The following APOB variants were observed in gnomAD, a reference collection of about 807,000 sequenced individuals.
APOB encodes apolipoprotein B.
In APOB, 153 loss-of-function variants were observed where a neutral mutation model predicts 314.1. The observed-to-expected ratio is 0.49, with a 90% CI of 0.43 to 0.56. The LOEUF (loss-of-function observed/expected upper bound fraction) is 0.56. Ranked by LOEUF, APOB falls within the 20% of genes least tolerant of loss-of-function variation. APOB has a pLI of 0.00. For synonymous variants in APOB, 2,087 were observed against 2,036.4 expected, an observed-to-expected ratio of 1.02 and a Z score of -0.67; for missense variants, 5,430 against 5,350.7, an observed-to-expected ratio of 1.01 and a Z score of -0.46.
Position 21,006,475 on chromosome 2 carries a change from T to C in APOB, c.10393A>G (p.Asn3465Asp), listed in dbSNP as rs751227728. Residue 3465 changes from asparagine (N) to aspartate (D), a missense_variant, in exon 26 of 29, where the codon AAT becomes GAT. Coordinates refer to ENST00000233242, the MANE Select transcript of APOB (RefSeq NM_000384.3). ...GCGGTAGAGTACAGCATTGAAGAAT[T>C]GAAATCATACTTAAATTCCATGGAG... ...SSSMEFKYDF[N>D]SSMLYSTAKG... 6.2e-7 allele frequency: 1 copy of C among 1,614,106 alleles called. No homozygotes were observed. The highest frequency in any genetic ancestry group is 1.7e-5 in the Admixed American group (1 of 60,020).
At chr2:21,035,439 A>T (rs1046386514) in intron 7 of APOB, 145 bp downstream of exon 7, 19 of 1,082,228 alleles carry the variant, frequency 1.8e-5, no homozygotes, top group Non-Finnish European at 2.6e-5. Context: ...TGTTCGCTTA[A>T]AAAGGGGGAC....
In APOB at chr2:21,011,674, T is replaced by C. The variant is rs377422475; in HGVS notation, c.5194A>G (p.Ser1732Gly). The change falls in exon 26 of 29, where the codon AGT (serine) becomes GGT (glycine). Residue 1732 changes from serine to glycine, a missense_variant. Coordinates refer to ENST00000233242, the MANE Select transcript of APOB (RefSeq NM_000384.3). Reference sequence around the variant, plus strand: ...TTTGAGAGCTTAAGTCCTTCTTGACTGACCTTGAAGTTGAAAATGTTTTTG... The same window carrying C: ...TTTGAGAGCTTAAGTCCTTCTTGACCGACCTTGAAGTTGAAAATGTTTTTG... Reference protein sequence around the residue: ...DSKNIFNFKVSQEGLKLSNDM... With the variant: ...DSKNIFNFKVGQEGLKLSNDM... 3 of 1,614,232 alleles carry C rather than the reference T, an allele frequency of 1.9e-6. No homozygotes were observed. The highest frequency in any genetic ancestry group is 1.3e-5 in the African/African-American group (1 of 75,064).
Position 21,001,856 on chromosome 2 carries a change from GTCAA to G in APOB, c.13562_13565del (p.Ile4521ThrfsTer11), listed in dbSNP as rs1662984235. On this transcript the variant is annotated frameshift_variant, in exon 29 of 29. Coordinates refer to ENST00000233242, the MANE Select transcript of APOB (RefSeq NM_000384.3). LOFTEE classifies it low-confidence loss of function (END_TRUNC). ...ATGTGTGGTAGTTTTGAATGGACAG[GTCAA>G]TCAATCTTTTGGATTCAGCAATAAA... 4.3e-6 allele frequency: 7 copies of G among 1,614,022 alleles called. No individual in the cohort carries two copies. Among genetic ancestry groups the G allele is most frequent in the Non-Finnish European group, 5.9e-6 (7 of 1,179,968 alleles).
chr2:21,017,910 C>A (rs1158776233), intron 20 of APOB, among the ~76,000 whole-genome samples: 1 of 152,160 alleles, frequency 6.6e-6, no homozygotes, highest in Non-Finnish European at 1.5e-5. Context: ...CCAAAGTGAA[C>A]ACCTAAATGT....
At chr2:21,043,808 C>T (rs968303915) in intron 1 of APOB, 56 bp downstream of exon 1, 1 of 1,530,500 alleles carries the variant, frequency 6.5e-7, no homozygotes, top group Non-Finnish European at 8.7e-7. Flanking sequence ...CGGCCAACCT[C>T]GTGCCGCCGG....
chr2:21,013,630 T>G, intron 24 of APOB, 97 bp from the exon 25 acceptor site: 2 of 1,546,402 alleles, frequency 1.3e-6, no homozygotes, highest in Non-Finnish European at 8.9e-7. Context: ...ACTTGCCCCA[T>G]TCCCAAAGCC....
Position 21,015,097 on chromosome 2 carries a change from C to T in APOB, c.3672G>A (p.Arg1224=), listed in dbSNP as rs773383284. ...HRVPQTDMTF[R]HVGSKLIVAM... ...CAACTATTAATTTGGAACCCACGTG[C>T]CGGAAAGTCATGTCTGTTTGAGGGA... The change falls in exon 23 of 29, where the codon CGG becomes CGA. Residue 1224 remains arginine, a synonymous_variant. Coordinates refer to ENST00000233242, the MANE Select transcript of APOB (RefSeq NM_000384.3). The T allele has an allele frequency of 6.2e-7, 1 of 1,614,110 alleles. No individual in the cohort carries two copies. Among genetic ancestry groups the T allele is most frequent in the Admixed American group, 1.7e-5 (1 of 60,016 alleles).
chr2:21,023,970 A>G, intron 16 of APOB: 1 of 289,928 alleles, frequency 3.4e-6, no homozygotes, highest in Non-Finnish European at 6.4e-6. Context: ...TCAGAGCTTT[A>G]TGGACTTTAA....
intron 1 of APOB, 79 bp from the exon 2 acceptor site, chr2:21,043,630 G>T: frequency 1.3e-6 from 2 of 1,546,008 alleles, no homozygotes; most frequent in African/African-American, 2.7e-5. Context: ...GGGACCACCG[G>T]CACAGGTTTC....
chr2:21,042,650 T>C (rs1664160081), intron 2 of APOB, among the ~76,000 whole-genome samples, 174 bp from the exon 3 acceptor site: 1 of 152,166 alleles, frequency 6.6e-6, no homozygotes, highest in South Asian at 2.1e-4. Flanking sequence ...TTCTCCATTA[T>C]GTTTTTGCTG....
Position 21,035,723 on chromosome 2 carries a change from G to A in APOB, c.694-15C>T. 6.2e-7 allele frequency: 1 copy of A among 1,613,722 alleles called. No homozygotes were observed. The highest frequency in any genetic ancestry group is 8.5e-7 in the Non-Finnish European group (1 of 1,179,968). On this transcript the variant is annotated splice_polypyrimidine_tract_variant and intron_variant, in intron 6 of 28. Coordinates refer to ENST00000233242, the MANE Select transcript of APOB (RefSeq NM_000384.3). ...AAGGGGCGGGTCTATGAAAGAGATT[G>A]GAGACGAGCATTTTGATCAGTCCCT...
At position 21,005,947 on chromosome 2, in the gene APOB, A is replaced by G. The variant is rs1663124533; in HGVS notation, c.10921T>C (p.Ser3641Pro). ...IRWKNEVRIHSGSFQSQVELS... is the reference protein window; with the variant it reads ...IRWKNEVRIHPGSFQSQVELS... ...TCGACCTGGCTCTGGAAAGACCCAG[A>G]ATGAATCCGGACTTCATTTTTCCAT... is the stretch of plus-strand genomic sequence containing the variant. The change falls in exon 26 of 29, where the codon TCT becomes CCT. Residue 3641 changes from serine (S) to proline (P), a missense_variant. Physicochemically the swap from Ser to Pro is moderately conservative, Grantham distance 74 (BLOSUM62 -1). This residue lies in a region of APOB where 3,281 missense variants were observed against 3,171.0 expected (regional missense o/e 1.03). Transcript: ENST00000233242. 2 of 1,613,804 alleles carry G rather than the reference A, an allele frequency of 1.2e-6. No individual in the cohort carries two copies. Among genetic ancestry groups the G allele is most frequent in the South Asian group, 2.2e-5 (2 of 91,064 alleles).
chr2:21,025,960 A>G (rs1663722814), intron 15 of APOB, among the ~76,000 whole-genome samples: 1 of 152,164 alleles, frequency 6.6e-6, no homozygotes, highest in East Asian at 1.9e-4. Flanking sequence ...CTCATTTGCT[A>G]GTGCACTGAT....
rs753995437 is a variant in APOB at position 21,005,586 on chromosome 2, C to G, written c.11282G>C (p.Cys3761Ser). 6.2e-7 allele frequency: 1 copy of G among 1,613,982 alleles called. No individual in the cohort carries two copies. The highest frequency in any genetic ancestry group is 1.7e-5 in the Admixed American group (1 of 60,018). The change falls in exon 26 of 29, where the codon TGC becomes TCC. Residue 3761 changes from cysteine (C) to serine (S), a missense_variant. Cys to Ser is a moderately radical substitution (Grantham distance 112). Transcript: ENST00000233242. ...VPFTDLQVPS[C>S]KLDFREIQIY... ...TTGTATTTCTCTGAAGTCAAGTTTG[C>G]ACGATGGAACCTGAAGATCTGTAAA...
chr2:21,004,568 C>T lies in APOB; in HGVS notation c.11896G>A (p.Gly3966Arg), dbSNP rs781598847. 8 of 1,613,656 alleles carry T rather than the reference C, an allele frequency of 5.0e-6. No individual in the cohort carries two copies. In the Admixed American group the frequency reaches 1.3e-4, roughly 27 times the overall value. ...TCAATAAAAGCTCCATACTGAAGTC[C>T]TTCATATTTGCCATCTTCTTCATAT... ...AEYEEDGKYE[G>R]LQEWEGKAHL... Residue 3966 changes from glycine to arginine, a missense_variant, in exon 27 of 29, where the codon GGA (glycine) becomes AGA (arginine). Coordinates refer to ENST00000233242, the MANE Select transcript of APOB (RefSeq NM_000384.3).
rs763341676 is a variant in APOB, at chr2:21,001,846, G to A, written c.13576C>T (p.Gln4526Ter). The A allele has an allele frequency of 4.3e-6, 7 of 1,613,904 alleles. No individual in the cohort carries two copies. In the African/African-American group the frequency reaches 6.7e-5, roughly 15 times the overall value. ...TATATCAGAAATGTGTGGTAGTTTTGAATGGACAGGTCAATCAATCTTTTG... is the reference window on the plus strand; with the variant it reads ...TATATCAGAAATGTGTGGTAGTTTTAAATGGACAGGTCAATCAATCTTTTG... ...ESKRLIDLSI[Q>*]NYHTFLIYIT... The change falls in exon 29 of 29, where the codon CAA becomes TAA. Residue 4526 changes from glutamine to a stop codon, truncating the protein, a stop_gained. Transcript: ENST00000233242. LOFTEE classifies it low-confidence loss of function (END_TRUNC).
Position 21,005,950 on chromosome 2 carries a change from G to C in APOB, c.10918C>G (p.His3640Asp). The C allele has an allele frequency of 6.2e-7, 1 of 1,613,920 alleles. No individual in the cohort carries two copies. The highest frequency in any genetic ancestry group is 8.5e-7 in the Non-Finnish European group (1 of 1,179,938). ...KIRWKNEVRI[H>D]SGSFQSQVEL... is the part of the protein sequence containing the mutation. ...ACCTGGCTCTGGAAAGACCCAGAAT[G>C]AATCCGGACTTCATTTTTCCATCTG... The change falls in exon 26 of 29, where the codon CAT (histidine) becomes GAT (aspartate). Residue 3640 changes from histidine to aspartate, a missense_variant. Coordinates refer to ENST00000233242, the MANE Select transcript of APOB (RefSeq NM_000384.3).
chr2:21,029,401 G>A (rs1329308981), intron 12 of APOB, among the ~76,000 whole-genome samples: 4 of 152,098 alleles, frequency 2.6e-5, no homozygotes, highest in South Asian at 2.1e-4. Context: ...GCAGTGAGCC[G>A]AGATCATGCC....
chr2:21,010,386 T>A lies in APOB; in HGVS notation c.6482A>T (p.Asp2161Val), dbSNP rs775221104. The A allele has an allele frequency of 6.3e-7, 1 of 1,590,728 alleles. No individual in the cohort carries two copies. The highest frequency in any genetic ancestry group is 8.6e-7 in the Non-Finnish European group (1 of 1,166,830). ...TTCATTAAAGTTGATTTTGGCATCA[T>A]CTAATGCAATTTGTATATCATTTTC... ...ITENDIQIALDDAKINFNEKL... is the reference protein window; with the variant it reads ...ITENDIQIALVDAKINFNEKL... The change falls in exon 26 of 29, where the codon GAT becomes GTT. Residue 2161 changes from aspartate to valine, a missense_variant. This residue lies in a region of APOB where 3,281 missense variants were observed against 3,171.0 expected (regional missense o/e 1.03). Coordinates refer to ENST00000233242, the MANE Select transcript of APOB (RefSeq NM_000384.3).
Sources: allele counts gnomAD v4.1 joint callset (sites outside exome capture counted in the v4.1 genomes callset), GRCh38; gene constraint gnomAD v4.1.1; regional missense constraint gnomAD v4.1.1; transcripts MANE v1.5; gene names NCBI Gene and HGNC (gene_info 2026-07-23, HGNC 2026-07-21).